UGT2B4: variants seen among roughly 807,000 people sequenced by gnomAD.
UGT2B4 encodes the protein UDP-glucuronosyltransferase 2B4.
Under a neutral mutation model 49.8 loss-of-function variants are expected in UGT2B4, and 49 were observed. The observed-to-expected ratio is 0.98, with a 90% CI of 0.78 to 1.25. The LOEUF (loss-of-function observed/expected upper bound fraction) is 1.25. Among genes scored for constraint, UGT2B4 ranks in the 50% most tolerant of loss-of-function variants. The pLI, the probability that UGT2B4 is intolerant of heterozygous loss-of-function variation, is 0.00. For synonymous variants in UGT2B4, 246 were observed against 217.7 expected, an observed-to-expected ratio of 1.13 and a Z score of -1.14; for missense variants, 729 against 627.7, an observed-to-expected ratio of 1.16 and a Z score of -1.73.
At chr4:69,512,429 T>C (rs891339298) in intron 1 of UGT2B4, among the ~76,000 whole-genome samples, 3 of 152,162 alleles carry the variant, frequency 2.0e-5, no homozygotes, top group Non-Finnish European at 4.4e-5. Context: ...GTGTTGTTTA[T>C]TTTTTATGTA....
chr4:69,525,696 T>G, exon 1 of UGT2B4: 1 of 1,280,140 alleles, frequency 7.8e-7, no homozygotes, highest in South Asian at 1.2e-5. Context: ...CCTAATCCAT[T>G]CGTTGATGAG....
intron 3 of UGT2B4, among the ~76,000 whole-genome samples, chr4:69,487,406 T>C (rs566248576): frequency 1.9e-3 from 289 of 152,316 alleles, no homozygotes; most frequent in Admixed American, 4.7e-3. Context: ...TGAAATATTA[T>C]GTAGCCATAA....
intron 3 of UGT2B4, among the ~76,000 whole-genome samples, chr4:69,488,117 A>C (rs1443833795): frequency 6.6e-6 from 1 of 152,244 alleles, no homozygotes; most frequent in Admixed American, 6.5e-5. Flanking sequence ...CTTCCAAGAA[A>C]AATTTCAAGT....
upstream of UGT2B4, among the ~76,000 whole-genome samples, chr4:69,499,386 T>C (rs528138764): frequency 6.6e-5 from 10 of 152,308 alleles, no homozygotes; most frequent in African/African-American, 2.4e-4. Context: ...GTCCACTTGA[T>C]CCAGAGTTGA....
upstream of UGT2B4, among the ~76,000 whole-genome samples, chr4:69,500,374 G>A (rs1408548715): frequency 2.6e-5 from 4 of 151,650 alleles, no homozygotes; most frequent in Non-Finnish European, 4.4e-5. Context: ...GCACATCCTG[G>A]ACATGTATCC....
chr4:69,497,141 C>T (rs1034842698), upstream of UGT2B4, among the ~76,000 whole-genome samples: 2 of 152,100 alleles, frequency 1.3e-5, no homozygotes. Context: ...GTGGTTTTCT[C>T]TTTGAGGTAT....
upstream of UGT2B4, among the ~76,000 whole-genome samples, chr4:69,498,394 G>A (rs1291271493): frequency 6.6e-6 from 1 of 152,064 alleles, no homozygotes; most frequent in Non-Finnish European, 1.5e-5. Context: ...AGTAAATACA[G>A]CACCTTCAGC....
At chr4:69,505,289 A>G (rs1048378545) in intron 1 of UGT2B4, among the ~76,000 whole-genome samples, 2 of 152,200 alleles carry the variant, frequency 1.3e-5, no homozygotes, top group Non-Finnish European at 2.9e-5. Context: ...AAGCTGGTTA[A>G]AGAACCAAGA....
chr4:69,516,479 C>T (rs1452101766), intron 1 of UGT2B4, among the ~76,000 whole-genome samples: 2 of 152,128 alleles, frequency 1.3e-5, no homozygotes, highest in Non-Finnish European at 2.9e-5. Flanking sequence ...TTTCTCTGCA[C>T]CCTTGCCAGC....
At chr4:69,506,152 C>T (rs192349585) in intron 1 of UGT2B4, among the ~76,000 whole-genome samples, 2 of 151,972 alleles carry the variant, frequency 1.3e-5, no homozygotes, top group Admixed American at 1.3e-4. Flanking sequence ...ACCTGAAAAT[C>T]ACAACTAAAA....
At chr4:69,509,285 C>A (rs1349957771) in intron 1 of UGT2B4, among the ~76,000 whole-genome samples, 6 of 151,124 alleles carry the variant, frequency 4.0e-5, no homozygotes, top group Admixed American at 2.0e-4. Flanking sequence ...AATTCTCCTG[C>A]GTCAGCCTCC....
In UGT2B4 at chr4:69,480,923, C is replaced by A; in HGVS notation, c.1311-13G>T. On this transcript the variant is annotated splice_polypyrimidine_tract_variant and intron_variant, in intron 5 of 5. Coordinates refer to ENST00000305107, the MANE Select transcript of UGT2B4 (RefSeq NM_021139.3). ...ATTCTCTTTATATCTAAACGATAAG[C>A]AGAAAAGTATCAACATTGAAAGTAA... 2 of 1,610,778 alleles carry A rather than the reference C, an allele frequency of 1.2e-6. No individual in the cohort carries two copies. Among genetic ancestry groups the A allele is most frequent in the Non-Finnish European group, 1.7e-6 (2 of 1,177,842 alleles).
intron 1 of UGT2B4, among the ~76,000 whole-genome samples, chr4:69,513,156 C>T (rs1390920862): frequency 6.6e-6 from 1 of 152,154 alleles, no homozygotes. Flanking sequence ...AAAATCTTTG[C>T]ATGTGCCTAT....
intron 5 of UGT2B4, among the ~76,000 whole-genome samples, chr4:69,482,562 C>T (rs888831112): frequency 6.6e-6 from 1 of 152,114 alleles, no homozygotes; most frequent in Non-Finnish European, 1.5e-5. Context: ...CATACTTCAG[C>T]TTTACTTGCT....
intron 1 of UGT2B4, among the ~76,000 whole-genome samples, chr4:69,523,517 C>T (rs1472634559): frequency 6.7e-6 from 1 of 150,282 alleles, no homozygotes; most frequent in African/African-American, 2.5e-5. Context: ...CAATACTGGG[C>T]TTAAAATATT....
At chr4:69,492,344 A>C (rs569964149) in intron 2 of UGT2B4, among the ~76,000 whole-genome samples, 4 of 152,230 alleles carry the variant, frequency 2.6e-5, no homozygotes, top group Non-Finnish European at 5.9e-5. Context: ...TAGTAAAATC[A>C]AGTGAACACT....
chr4:69,482,808 A>G (rs2109801975), intron 5 of UGT2B4, among the ~76,000 whole-genome samples: 1 of 149,992 alleles, frequency 6.7e-6, no homozygotes, highest in East Asian at 2.0e-4. Context: ...GGTTTTCACC[A>G]TGTTCATCAG....
chr4:69,497,089 A>C (rs995250755), upstream of UGT2B4, among the ~76,000 whole-genome samples: 1 of 149,644 alleles, frequency 6.7e-6, no homozygotes, highest in Non-Finnish European at 1.5e-5. Context: ...ATTAAAGTTC[A>C]TCTTAACTGT....
At chr4:69,515,974 A>AT (rs1728721961) in intron 1 of UGT2B4, among the ~76,000 whole-genome samples, 1 of 151,776 alleles carries the variant, frequency 6.6e-6, no homozygotes, top group South Asian at 2.1e-4. Context: ...TTCATTAGCT[A>AT]TTTTTTCTGA....
Sources: allele counts gnomAD v4.1 joint callset (sites outside exome capture counted in the v4.1 genomes callset), GRCh38; gene constraint gnomAD v4.1.1; transcripts MANE v1.5; gene names NCBI Gene and HGNC (gene_info 2026-07-23, HGNC 2026-07-21).